Variants in NOS2 observed in about 807,000 individuals in gnomAD.
The protein encoded by NOS2 is nitric oxide synthase 2.
In NOS2, 96 loss-of-function variants were observed where a neutral mutation model predicts 136.0. The ratio of observed to expected loss-of-function variants is 0.71; its 90% confidence interval spans 0.60 to 0.84. The LOEUF is 0.84. NOS2 is among the 40% of genes least tolerant of loss of function. NOS2 has a pLI of 0.00. For synonymous variants in NOS2, 539 were observed against 587.5 expected (o/e 0.92, Z 1.20); for missense variants, 1,237 against 1,496.9 (o/e 0.83, Z 2.87).
intron 1 of NOS2, among the ~76,000 whole-genome samples, chr17:27,799,642 G>A (rs1390772164): frequency 6.6e-6 from 1 of 152,170 alleles, no homozygotes; most frequent in Middle Eastern, 3.2e-3. Flanking sequence ...CCAAGAGTTC[G>A]AGTTCAGCCT....
At position 27,783,095 on chromosome 17, in the gene NOS2, T is replaced by C; in HGVS notation, c.479A>G (p.Glu160Gly). 1 of 1,614,138 alleles carries C rather than the reference T, an allele frequency of 6.2e-7. No homozygotes were observed. The change falls in exon 6 of 27, where the codon GAG (glutamate) becomes GGG (glycine). Residue 160 changes from glutamate (E) to glycine (G), a missense_variant. Glu to Gly is a moderately conservative substitution (Grantham distance 98). Around this residue, in one of 3 missense-constraint regions of NOS2, gnomAD observed 440 missense variants for 545.4 expected, o/e 0.81. Coordinates refer to ENST00000313735, the MANE Select transcript of NOS2 (RefSeq NM_000625.4). ...CGCTTCCACCCTGGCCAGATGTTCCTCTATTTTTGCCCTGGGGGACAGGAA... is the reference window on the plus strand; with the variant it reads ...CGCTTCCACCCTGGCCAGATGTTCCCCTATTTTTGCCCTGGGGGACAGGAA... ...YYGSFKEAKIEEHLARVEAVT... is the reference protein window; with the variant it reads ...YYGSFKEAKIGEHLARVEAVT...
intron 5 of NOS2, among the ~76,000 whole-genome samples, chr17:27,783,788 C>T (rs2314812): frequency 0.17 from 25,693 of 152,274 alleles, 2,274 homozygotes; most frequent in African/African-American, 0.18. Flanking sequence ...AGACCCAGGT[C>T]GCCCTGATGC....
chr17:27,787,073 C>A (rs1178624672), intron 5 of NOS2, among the ~76,000 whole-genome samples: 1 of 152,140 alleles, frequency 6.6e-6, no homozygotes, highest in Non-Finnish European at 1.5e-5. Context: ...TAGAACCCCA[C>A]CAGGGTCAGG....
In NOS2 at chr17:27,766,453, A is replaced by G. The variant is rs1178525293; in HGVS notation, c.2246+57T>C. 14 of 1,409,308 alleles carry G rather than the reference A, an allele frequency of 9.9e-6. No individual in the cohort carries two copies. In the East Asian group the frequency reaches 3.2e-4, roughly 32 times the overall value. The allele number at this position is 1,409,308 out of a possible 1,614,324, so 87.3% of individuals were successfully genotyped here. On this transcript the variant is annotated intron_variant, in intron 19 of 26. Coordinates refer to ENST00000313735, the MANE Select transcript of NOS2 (RefSeq NM_000625.4). Reference sequence around the variant, plus strand: ...AAAGACTGACTTCTTCTGATCTTTCATTCGTTAAAATAAAATCGACAGAGT... The same window carrying G: ...AAAGACTGACTTCTTCTGATCTTTCGTTCGTTAAAATAAAATCGACAGAGT...
intron 5 of NOS2, among the ~76,000 whole-genome samples, chr17:27,786,347 A>ACCCT (rs1447734281): frequency 2.0e-5 from 3 of 152,006 alleles, no homozygotes; most frequent in Non-Finnish European, 4.4e-5. Context: ...AATCGCTTAA[A>ACCCT]CCCGGGAGGC....
chr17:27,789,658 G>A lies in NOS2; in HGVS notation c.141C>T (p.His47=), dbSNP rs767499780. ...ACTCATTCTGCTGCTTGCTGAGGTT[G>A]TGATACTGAAGGTCATCCTGTGTCA... ...SPVTQDDLQY[H]NLSKQQNESP... The change falls in exon 3 of 27, where the codon CAC becomes CAT. Residue 47 remains histidine (H), a synonymous_variant. Transcript: ENST00000313735. 1 of 1,614,060 alleles carries A rather than the reference G, an allele frequency of 6.2e-7. No homozygotes were observed. The highest frequency in any genetic ancestry group is 2.2e-5 in the East Asian group (1 of 44,882).
At chr17:27,770,054 T>C (rs1464917543) in intron 15 of NOS2, among the ~76,000 whole-genome samples, 2 of 152,224 alleles carry the variant, frequency 1.3e-5, no homozygotes, top group Non-Finnish European at 2.9e-5. Flanking sequence ...GAGTATTTAC[T>C]CCCTTTTCAT....
intron 11 of NOS2, among the ~76,000 whole-genome samples, chr17:27,775,443 A>T (rs933301382): frequency 1.3e-5 from 2 of 152,128 alleles, no homozygotes; most frequent in Admixed American, 6.5e-5. Context: ...ACTAAAAAAT[A>T]TAATAATTAG....
At chr17:27,767,487 G>A (rs1908342724) in intron 18 of NOS2, among the ~76,000 whole-genome samples, 1 of 152,256 alleles carries the variant, frequency 6.6e-6, no homozygotes, top group Admixed American at 6.5e-5. Context: ...GGCGGATGCT[G>A]ATCCCTTCTG....
chr17:27,761,252 G>A (rs1228446187), intron 22 of NOS2, 21 bp from the exon 23 acceptor site: 4 of 1,585,508 alleles, frequency 2.5e-6, no homozygotes, highest in Non-Finnish European at 3.4e-6. Context: ...ACCACAAAGT[G>A]ACCAACGTCC....
At chr17:27,779,979 C>G (rs1908791356) in intron 9 of NOS2, among the ~76,000 whole-genome samples, 1 of 152,196 alleles carries the variant, frequency 6.6e-6, no homozygotes, top group African/African-American at 2.4e-5. Context: ...AAGAAAAGAT[C>G]TCCACCCTCA....
At chr17:27,773,380 A>G in intron 12 of NOS2, 137 bp from the exon 13 acceptor site, 2 of 663,114 alleles carry the variant, frequency 3.0e-6, no homozygotes, top group Non-Finnish European at 5.2e-6. Flanking sequence ...CACCCCTGTC[A>G]CTGAACTCCC....
intron 3 of NOS2, 81 bp downstream of exon 3, chr17:27,789,523 C>A: frequency 8.9e-7 from 1 of 1,127,378 alleles, no homozygotes. Flanking sequence ...CCCTCTCCAG[C>A]CCAGCTCTAA....
rs764296931 is a variant in NOS2 at position 27,762,955 on chromosome 17, C to T, written c.2643G>A (p.Glu881=). The T allele has an allele frequency of 2.2e-5, 36 of 1,606,412 alleles. No individual in the cohort carries two copies. In the East Asian group the frequency reaches 7.8e-4, roughly 35 times the overall value. Residue 881 remains glutamate (E), a synonymous_variant, in exon 22 of 27, where the codon GAG becomes GAA. Transcript: ENST00000313735. ...WKFTNSPTFL[E]VLEEFPSLRV... Reference sequence around the variant, plus strand: ...GCAGGGACGGGAACTCCTCTAGCACCTCCAGGAATGTGGGGCTGTTGGTGA... The same window carrying T: ...GCAGGGACGGGAACTCCTCTAGCACTTCCAGGAATGTGGGGCTGTTGGTGA...
At chr17:27,799,397 A>G (rs757280430) in intron 1 of NOS2, among the ~76,000 whole-genome samples, 3 of 152,236 alleles carry the variant, frequency 2.0e-5, no homozygotes, top group Non-Finnish European at 2.9e-5. Flanking sequence ...CAGCATTATT[A>G]CTTGCTCCTC....
Position 27,774,256 on chromosome 17 carries a change from C to A in NOS2, c.1476+1G>T. 1 of 1,491,194 alleles carries A rather than the reference C, an allele frequency of 6.7e-7. No individual in the cohort carries two copies. The highest frequency in any genetic ancestry group is 8.9e-7 in the Non-Finnish European group (1 of 1,118,640). The allele number at this position is 1,491,194 out of a possible 1,614,324, so 92.4% of individuals were successfully genotyped here. A position where few individuals can be genotyped will look rare whatever the true frequency, so the allele number is the denominator to read the frequency against. On this transcript the variant is annotated splice_donor_variant, in intron 12 of 26. Transcript: ENST00000313735. LOFTEE classifies it high-confidence loss of function. ...AAGGAGAGAAGAGGAAGGCCCCTAA[C>A]CTGATAGTAGTAGAAAGGGGACAGG...
chr17:27,767,705 C>T lies in NOS2; in HGVS notation c.2167G>A (p.Ala723Thr). 6.2e-7 allele frequency: 1 copy of T among 1,613,500 alleles called. No homozygotes were observed. Residue 723 changes from alanine to threonine, a missense_variant and splice_region_variant, in exon 18 of 27, where the codon GCC becomes ACC. Transcript: ENST00000313735. The stretch of plus-strand genomic sequence containing the variant: ...CCATGTGCTGCAGAGAAGCAGGTAC[C>T]TTTGCTGAGGTCCAAAGGCTGTGAG... ...QDSQPLDLSK[A>T]LSSMHAKNVF...
chr17:27,798,024 G>A (rs1326379405), intron 2 of NOS2, among the ~76,000 whole-genome samples: 1 of 151,980 alleles, frequency 6.6e-6, no homozygotes. Flanking sequence ...GTGTAGCTCT[G>A]GCAAGGGCAG....
chr17:27,774,099 A>C (rs1319454466), intron 12 of NOS2, among the ~76,000 whole-genome samples, 158 bp downstream of exon 12: 1 of 152,200 alleles, frequency 6.6e-6, no homozygotes, highest in East Asian at 1.9e-4. Context: ...AAATGCACAA[A>C]GGCTGCTCAG....
Sources: gnomAD v4.1 joint callset for allele counts (sites outside exome capture counted in the v4.1 genomes callset) on GRCh38, gnomAD v4.1.1 for gene constraint, gnomAD v4.1.1 regional missense constraint, MANE v1.5 for transcripts, NCBI Gene and HGNC (gene_info 2026-07-23, HGNC 2026-07-21) for gene names.